The following GPLD1 variants were observed in gnomAD, a reference collection of about 807,000 sequenced individuals.
GPLD1 encodes the protein phosphatidylinositol-glycan-specific phospholipase D.
GPLD1 carries 84 observed loss-of-function variants against 112.6 expected under a neutral mutation model. The ratio of observed to expected loss-of-function variants is 0.75; its 90% CI spans 0.63 to 0.89. The LOEUF is 0.89. Ranked by LOEUF, GPLD1 falls within the 40% of genes least tolerant of loss-of-function variation. The pLI, the probability that GPLD1 is intolerant of heterozygous loss-of-function variation, is 0.00. For missense variants in GPLD1, 1,044 were observed against 1,051.5 expected, an observed-to-expected ratio of 0.99 and a Z score of 0.10; for synonymous variants, 386 against 403.8, an observed-to-expected ratio of 0.96 and a Z score of 0.53.
chr6:24,453,014 C>A (rs891143949), intron 14 of GPLD1, among the ~76,000 whole-genome samples: 3 of 152,012 alleles, frequency 2.0e-5, no homozygotes, highest in Non-Finnish European at 4.4e-5. Flanking sequence ...CACCCCCCCA[C>A]GCTCCTCCTT....
intron 14 of GPLD1, among the ~76,000 whole-genome samples, chr6:24,452,957 A>G (rs1047652820): frequency 2.0e-5 from 3 of 152,050 alleles, no homozygotes; most frequent in East Asian, 1.9e-4. Flanking sequence ...CAGTATCACC[A>G]AAAGCCCCAC....
At position 24,427,651 on chromosome 6, in the gene GPLD1, G is replaced by T. The variant is rs1406228022; in HGVS notation, c.*1381C>A. On this transcript the variant is annotated 3_prime_UTR_variant, in exon 25 of 25. Coordinates refer to ENST00000230036, the MANE Select transcript of GPLD1 (RefSeq NM_001503.4). ...ACCTGAGATCAGGAGTTCGAGACCA[G>T]CCTGGCCAACATGGTGAAACCCTGT... Among the ~76,000 whole-genome samples the T allele has an allele frequency of 6.6e-6, 1 of 152,024 alleles. No individual in the cohort carries two copies. Among genetic ancestry groups the T allele is most frequent in the African/African-American group, 2.4e-5 (1 of 41,364 alleles).
chr6:24,463,321 C>T (rs1328972943), intron 10 of GPLD1, among the ~76,000 whole-genome samples: 1 of 152,100 alleles, frequency 6.6e-6, no homozygotes, highest in Non-Finnish European at 1.5e-5. Flanking sequence ...TGAACAGAAG[C>T]ACTGAGGAAG....
At chr6:24,491,934 G>C (rs762709734), upstream of GPLD1, among the ~76,000 whole-genome samples, 9 of 152,108 alleles carry the variant, frequency 5.9e-5, no homozygotes, top group Non-Finnish European at 1.3e-4. Context: ...AAACATCAAA[G>C]ATATGACTTT....
chr6:24,488,096 A>G (rs113178827), intron 1 of GPLD1, among the ~76,000 whole-genome samples: 3 of 152,150 alleles, frequency 2.0e-5, no homozygotes, highest in African/African-American at 4.8e-5. Context: ...AAATTCTGTT[A>G]TAATTTTTAT....
At chr6:24,480,485 G>A (rs1342775553) in intron 2 of GPLD1, among the ~76,000 whole-genome samples, 1 of 148,254 alleles carries the variant, frequency 6.7e-6, no homozygotes, top group Non-Finnish European at 1.5e-5. Context: ...ACCATACCTG[G>A]CCCACAGCTG....
At chr6:24,456,915 G>A (rs901128749) in intron 12 of GPLD1, among the ~76,000 whole-genome samples, 4 of 152,188 alleles carry the variant, frequency 2.6e-5, no homozygotes, top group African/African-American at 4.8e-5. Flanking sequence ...TCTGTCACCA[G>A]GCTGGAGTGC....
At chr6:24,451,010 TAAAA>T (rs909534246) in intron 14 of GPLD1, among the ~76,000 whole-genome samples, 2 of 152,112 alleles carry the variant, frequency 1.3e-5, no homozygotes, top group Non-Finnish European at 2.9e-5. Flanking sequence ...AATAAATAAA[TAAAA>T]ATTCAGTTTT....
chr6:24,435,836 A>AAATAAAAAAAAAAATAAAAAAAAT (rs1561828450), intron 22 of GPLD1: 1 of 146,528 alleles, frequency 6.8e-6, no homozygotes, highest in African/African-American at 2.5e-5. Context: ...AAAAAAAAAA[A>AAATAAAAAAAAAAATAAAAAAAAT]AAAAAAAAAA....
chr6:24,441,857 A>G (rs138711481), intron 20 of GPLD1, among the ~76,000 whole-genome samples: 3,529 of 152,160 alleles, frequency 0.023, 79 homozygotes, highest in Admixed American at 0.036. Flanking sequence ...TGGGTGAAAT[A>G]CAAGTAAAAT....
At chr6:24,488,911 C>T (rs1247279606) in intron 1 of GPLD1, among the ~76,000 whole-genome samples, 1 of 152,146 alleles carries the variant, frequency 6.6e-6, no homozygotes, top group Admixed American at 6.5e-5. Flanking sequence ...GATAACTAAA[C>T]TCCCTTACTT....
At chr6:24,463,662 A>T (rs1278784460) in intron 10 of GPLD1, among the ~76,000 whole-genome samples, 1 of 152,236 alleles carries the variant, frequency 6.6e-6, no homozygotes, top group African/African-American at 2.4e-5. Flanking sequence ...TTGGCAATGT[A>T]ACTACCACTA....
intron 5 of GPLD1, 55 bp from the exon 6 acceptor site, chr6:24,473,722 T>TA: frequency 8.3e-7 from 1 of 1,199,544 alleles, no homozygotes; most frequent in Non-Finnish European, 1.2e-6. Flanking sequence ...CCCCAACTCT[T>TA]ACTTCCACAG....
At chr6:24,437,335 T>C in intron 20 of GPLD1, 46 bp from the exon 21 acceptor site, 1 of 1,566,924 alleles carries the variant, frequency 6.4e-7, no homozygotes, top group Non-Finnish European at 8.7e-7. Context: ...AAGGAAGGCA[T>C]TACAGAACAC....
At chr6:24,463,433 G>A (rs1173252547) in intron 10 of GPLD1, among the ~76,000 whole-genome samples, 2 of 152,314 alleles carry the variant, frequency 1.3e-5, no homozygotes, top group East Asian at 1.9e-4. Flanking sequence ...AATGTGGAGT[G>A]TAGGGGTGAA....
chr6:24,468,474 C>G (rs1763691140), intron 7 of GPLD1, among the ~76,000 whole-genome samples: 1 of 152,188 alleles, frequency 6.6e-6, no homozygotes, highest in Non-Finnish European at 1.5e-5. Context: ...TCATAGCTAC[C>G]TATGACCTGG....
chr6:24,433,604 C>G (rs186951086), intron 22 of GPLD1: 1 of 460,618 alleles, frequency 2.2e-6, no homozygotes, highest in African/African-American at 2.0e-5. Context: ...GCAAGTCTCC[C>G]GCTTCAGCCT....
chr6:24,438,914 G>C (rs1762662012), intron 20 of GPLD1, among the ~76,000 whole-genome samples: 1 of 152,086 alleles, frequency 6.6e-6, no homozygotes, highest in African/African-American at 2.4e-5. Flanking sequence ...AGCCTCCCGA[G>C]TAGCTGGGAC....
intron 2 of GPLD1, among the ~76,000 whole-genome samples, chr6:24,484,258 C>CT (rs1301971062): frequency 4.6e-5 from 7 of 151,290 alleles, no homozygotes; most frequent in Non-Finnish European, 8.8e-5. Flanking sequence ...GTCACCTAGG[C>CT]TGGAGTGCAG....
Sources: gnomAD v4.1 joint callset for allele counts (sites outside exome capture counted in the v4.1 genomes callset) on GRCh38, gnomAD v4.1.1 for gene constraint, MANE v1.5 for transcripts, NCBI Gene and HGNC (gene_info 2026-07-23, HGNC 2026-07-21) for gene names.